Variants in NCOA6 observed in about 807,000 individuals in gnomAD.
NCOA6 encodes nuclear receptor coactivator 6.
A neutral mutation model predicts 171.4 loss-of-function variants in NCOA6; 49 were observed. The ratio of observed to expected loss-of-function variants is 0.29; its 90% CI spans 0.23 to 0.36. The LOEUF (loss-of-function observed/expected upper bound fraction) is 0.36. NCOA6 is among the 10% of genes least tolerant of loss of function. The probability of loss-of-function intolerance (pLI) is 1.00; values close to 1 mark genes in which losing one functional copy is unlikely to be tolerated. For missense variants in NCOA6, 2,248 were observed against 2,554.5 expected, an observed-to-expected ratio of 0.88 and a Z score of 2.59; for synonymous variants, 910 against 927.5, an observed-to-expected ratio of 0.98 and a Z score of 0.34.
At chr20:34,755,537 T>C (rs2076616596) in intron 7 of NCOA6, among the ~76,000 whole-genome samples, 1 of 152,212 alleles carries the variant, frequency 6.6e-6, no homozygotes. Context: ...TAATGGAATC[T>C]TTCTCAAGTA....
At position 34,741,073 on chromosome 20, in the gene NCOA6, G is replaced by T; in HGVS notation, c.5183C>A (p.Thr1728Lys). Residue 1728 changes from threonine to lysine, a missense_variant, in exon 11 of 15, where the codon ACA becomes AAA. Transcript: ENST00000359003. ...LSSSPAPNIQ[T>K]GRPLVLSSRA... ...TGAGCTAAGGACCAAAGGTCGACCT[G>T]TCTGGATGTTTGGAGCAGGACTACT... The T allele has an allele frequency of 6.2e-7, 1 of 1,614,262 alleles. No individual in the cohort carries two copies. The highest frequency in any genetic ancestry group is 8.5e-7 in the Non-Finnish European group (1 of 1,180,054).
At chr20:34,715,447 A>T in intron 14 of NCOA6, 82 bp from the exon 15 acceptor site, 2 of 1,004,462 alleles carry the variant, frequency 2.0e-6, no homozygotes, top group Non-Finnish European at 3.2e-6. Context: ...CAAGCAGGGC[A>T]GACCTAAGGG....
At chr20:34,772,990 T>C (rs1203622578) in intron 4 of NCOA6, among the ~76,000 whole-genome samples, 2 of 152,182 alleles carry the variant, frequency 1.3e-5, no homozygotes, top group Non-Finnish European at 2.9e-5. Context: ...ACTGCATATA[T>C]GCTAATTTGT....
intron 1 of NCOA6, among the ~76,000 whole-genome samples, chr20:34,811,201 G>GCATATATATATA (rs1555858016): frequency 1.9e-5 from 1 of 53,798 alleles, no homozygotes; most frequent in Non-Finnish European, 3.7e-5. Context: ...ACAACAACGT[G>GCATATATATATA]TATATATATA....
At chr20:34,744,117 C>T (rs902204696) in intron 10 of NCOA6, among the ~76,000 whole-genome samples, 3 of 152,180 alleles carry the variant, frequency 2.0e-5, no homozygotes, top group Non-Finnish European at 2.9e-5. Context: ...TTAATTTGCA[C>T]TTACTTTCTT....
chr20:34,767,770 A>G (rs2077024725), intron 5 of NCOA6, among the ~76,000 whole-genome samples: 1 of 152,150 alleles, frequency 6.6e-6, no homozygotes, highest in Non-Finnish European at 1.5e-5. Context: ...AAAAATTGGA[A>G]AGCCACTAGT....
intron 14 of NCOA6, among the ~76,000 whole-genome samples, chr20:34,720,610 T>C (rs1034247917): frequency 2.0e-5 from 3 of 152,260 alleles, no homozygotes; most frequent in Non-Finnish European, 4.4e-5. Context: ...AAACACAGAA[T>C]GTCTCTGATT....
At chr20:34,778,958 CAAAAAAAAAAAAA>C (rs57631874) in intron 3 of NCOA6, among the ~76,000 whole-genome samples, 518 of 46,510 alleles carry the variant, frequency 0.011, 8 homozygotes, top group Middle Eastern at 0.056. Context: ...GACTCCGTTT[CAAAAAAAAAAAAA>C]AAAAAAAAAA....
chr20:34,717,591 T>C (rs1278290265), intron 14 of NCOA6, among the ~76,000 whole-genome samples: 4 of 152,200 alleles, frequency 2.6e-5, no homozygotes, highest in Non-Finnish European at 4.4e-5. Context: ...TTTTGTGCCA[T>C]GTGGTAGAAT....
intron 1 of NCOA6, among the ~76,000 whole-genome samples, chr20:34,801,663 A>G (rs989819290): frequency 6.6e-6 from 1 of 152,170 alleles, no homozygotes; most frequent in Non-Finnish European, 1.5e-5. Context: ...TGAACAGACC[A>G]GTAACAAGTA....
rs2075987211 is a variant in NCOA6, at chr20:34,737,297, T to C, written c.5894-539A>G. Among the ~76,000 whole-genome samples the C allele has an allele frequency of 2.6e-5, 4 of 152,262 alleles. No homozygotes were observed. The South Asian group carries it at 8.3e-4, about 31-fold the overall frequency. On this transcript the variant is annotated intron_variant, in intron 11 of 14. Coordinates refer to ENST00000359003, the MANE Select transcript of NCOA6 (RefSeq NM_014071.5). ...ACATAATAAATAAATAAATTTGATA[T>C]GTTATTTACTTATCTAACAAATAGT... is the stretch of plus-strand genomic sequence containing the variant.
chr20:34,722,798 C>A (rs1161614814), intron 14 of NCOA6, among the ~76,000 whole-genome samples: 1 of 149,794 alleles, frequency 6.7e-6, no homozygotes, highest in East Asian at 1.9e-4. Flanking sequence ...CCAGCCTGGC[C>A]AACATGGTGA....
intron 1 of NCOA6, among the ~76,000 whole-genome samples, chr20:34,797,208 GA>G (rs1251944199): frequency 6.6e-6 from 1 of 152,154 alleles, no homozygotes; most frequent in African/African-American, 2.4e-5. Context: ...ACAGCTCCGG[GA>G]AAGACTCCTT....
At chr20:34,727,610 T>C (rs527823039) in intron 13 of NCOA6, among the ~76,000 whole-genome samples, 1 of 152,156 alleles carries the variant, frequency 6.6e-6, no homozygotes, top group East Asian at 1.9e-4. Flanking sequence ...GCTTATTACA[T>C]TAGTAAAAAT....
intron 1 of NCOA6, among the ~76,000 whole-genome samples, chr20:34,811,795 T>C (rs1279323122): frequency 6.6e-6 from 1 of 152,246 alleles, no homozygotes; most frequent in African/African-American, 2.4e-5. Flanking sequence ...GTTGGCCTTG[T>C]AACCACACAA....
Position 34,740,973 on chromosome 20 carries a change from C to T in NCOA6, c.5283G>A (p.Gln1761=), listed in dbSNP as rs1354193155. 1 of 1,614,028 alleles carries T rather than the reference C, an allele frequency of 6.2e-7. No homozygotes were observed. The highest frequency in any genetic ancestry group is 8.5e-7 in the Non-Finnish European group (1 of 1,180,030). ...CATCTGGATTCAATTCTTTCACTTGCTGCACAGGGGGATGAGAAGGGACAA... is the reference window on the plus strand; with the variant it reads ...CATCTGGATTCAATTCTTTCACTTGTTGCACAGGGGGATGAGAAGGGACAA... The part of the protein sequence containing the change: ...SPVVPSHPPV[Q]QVKELNPDEA... Residue 1761 remains glutamine (Q), a synonymous_variant, in exon 11 of 15, where the codon CAG becomes CAA. Coordinates refer to ENST00000359003, the MANE Select transcript of NCOA6 (RefSeq NM_014071.5).
chr20:34,757,398 C>T lies in NCOA6; in HGVS notation c.1350G>A (p.Gln450=). The change falls in exon 7 of 15, where the codon CAG becomes CAA. Residue 450 remains glutamine, a synonymous_variant. Transcript: ENST00000359003. The part of the protein sequence containing the change: ...PASSPTVNQT[Q]QQMGPRPPQN... The stretch of plus-strand genomic sequence containing the variant: ...GAGGTGGCCTTGGTCCCATCTGCTG[C>T]TGAGTTTGGTTAACCGTTGGGGAGG... 1 of 1,613,954 alleles carries T rather than the reference C, an allele frequency of 6.2e-7. No individual in the cohort carries two copies. Among genetic ancestry groups the T allele is most frequent in the Non-Finnish European group, 8.5e-7 (1 of 1,179,908 alleles).
At chr20:34,722,074 A>C (rs1040903581) in intron 14 of NCOA6, among the ~76,000 whole-genome samples, 1 of 146,330 alleles carries the variant, frequency 6.8e-6, no homozygotes, top group African/African-American at 2.5e-5. Context: ...AAAAAAAAAA[A>C]AAAAAAAAAG....
chr20:34,757,982 T>C lies in NCOA6; in HGVS notation c.766A>G (p.Asn256Asp), dbSNP rs1199906312. The C allele has an allele frequency of 1.9e-6, 3 of 1,613,768 alleles. No individual in the cohort carries two copies. The Middle Eastern group carries it at 5.0e-4, about 266-fold the overall frequency. ...VSVNRQMNPA[N>D]FPQLQQQQQQ... ...TGCTGCTGCTGCAGCTGGGGAAAATTAGCTGGGTTCATTTGTCTGTTCACA... is the reference window on the plus strand; with the variant it reads ...TGCTGCTGCTGCAGCTGGGGAAAATCAGCTGGGTTCATTTGTCTGTTCACA... Residue 256 changes from asparagine to aspartate, a missense_variant, in exon 7 of 15, where the codon AAT becomes GAT. Physicochemically the swap from Asn to Asp is conservative, Grantham distance 23 (BLOSUM62 1). Coordinates refer to ENST00000359003, the MANE Select transcript of NCOA6 (RefSeq NM_014071.5).
Sources: allele counts gnomAD v4.1 joint callset (sites outside exome capture counted in the v4.1 genomes callset), GRCh38; gene constraint gnomAD v4.1.1; transcripts MANE v1.5; gene names NCBI Gene and HGNC (gene_info 2026-07-23, HGNC 2026-07-21).